COX5B: variants seen among roughly 807,000 people sequenced by gnomAD.
COX5B encodes cytochrome c oxidase subunit 5B.
Under a neutral mutation model 16.2 loss-of-function variants are expected in COX5B, and 8 were observed. The observed-to-expected ratio is 0.49, with a 90% CI of 0.29 to 0.89. The LOEUF is 0.89. Among genes scored for constraint, COX5B ranks in the 40% least tolerant of loss-of-function variants. The pLI is 0.08. For missense variants in COX5B, 161 were observed against 168.7 expected (o/e 0.95, Z 0.25); for synonymous variants, 65 against 67.6 (o/e 0.96, Z 0.19).
chr2:97,646,969 C>G lies in COX5B; in HGVS notation c.104-98C>G, dbSNP rs1246814792. ...GCTTGTGAGCCCGCTAAAACTTATACAGAAGTTTCGGGGCACCATTTTCCT... is the reference window on the plus strand; with the variant it reads ...GCTTGTGAGCCCGCTAAAACTTATAGAGAAGTTTCGGGGCACCATTTTCCT... On this transcript the variant is annotated intron_variant, in intron 1 of 3. Transcript: ENST00000258424. 11 of 1,259,362 alleles carry G rather than the reference C, an allele frequency of 8.7e-6. No homozygotes were observed. The Admixed American group carries it at 9.4e-5, about 11-fold the overall frequency. The allele number at this position is 1,259,362 out of a possible 1,614,324, so 78.0% of individuals were successfully genotyped here.
intron 2 of COX5B, 33 bp downstream of exon 2, chr2:97,647,173 T>A: frequency 6.2e-7 from 1 of 1,605,984 alleles, no homozygotes; most frequent in Non-Finnish European, 8.5e-7. Flanking sequence ...GTCTTCTGTG[T>A]AACTTATGGC....
intron 2 of COX5B, 86 bp downstream of exon 2, chr2:97,647,226 T>TA: frequency 6.5e-7 from 1 of 1,537,784 alleles, no homozygotes; most frequent in Non-Finnish European, 9.0e-7. Context: ...GAGTATTTGA[T>TA]ACAGGAAACT....
intron 1 of COX5B, 53 bp downstream of exon 1, chr2:97,646,242 G>GGACC: frequency 7.8e-7 from 1 of 1,289,630 alleles, no homozygotes; most frequent in African/African-American, 1.5e-5. Flanking sequence ...TCCCAGGGTG[G>GGACC]TCCCAGGGCG....
intron 1 of COX5B, 125 bp from the exon 2 acceptor site, chr2:97,646,942 G>A: frequency 1.1e-6 from 1 of 876,548 alleles, no homozygotes; most frequent in South Asian, 1.5e-5. Flanking sequence ...TAGCCTTTAG[G>A]AGCTTGTGAG....
In COX5B at chr2:97,647,094, C is replaced by T. The variant is rs1213309238; in HGVS notation, c.131C>T (p.Ala44Val). Residue 44 changes from alanine to valine, a missense_variant, in exon 2 of 4, where the codon GCG (alanine) becomes GTG (valine). Transcript: ENST00000258424. ...GGGVPTDEEQ[A>V]TGLEREIMLA... ...GGTGTTCCCACTGATGAAGAGCAGGCGACTGGGTTGGAGAGGGAGATCATG... is the reference window on the plus strand; with the variant it reads ...GGTGTTCCCACTGATGAAGAGCAGGTGACTGGGTTGGAGAGGGAGATCATG... 16 of 1,614,094 alleles carry T rather than the reference C, an allele frequency of 9.9e-6. No individual in the cohort carries two copies. The highest frequency in any genetic ancestry group is 1.7e-5 in the Admixed American group (1 of 60,014).
At chr2:97,646,635 G>A (rs2104484251) in intron 1 of COX5B, 1 of 209,680 alleles carries the variant, frequency 4.8e-6, no homozygotes, top group African/African-American at 2.3e-5. Flanking sequence ...ATCCCCTGAG[G>A]TCAGGAGCTC....
At chr2:97,647,302 CTTGT>C in intron 2 of COX5B, 38 bp from the exon 3 acceptor site, 3 of 1,588,622 alleles carry the variant, frequency 1.9e-6, no homozygotes, top group Non-Finnish European at 2.6e-6. Context: ...TGGTTCAATT[CTTGT>C]TTTTTTTGTT....
chr2:97,646,859 A>G (rs1000155022), intron 1 of COX5B: 1 of 460,530 alleles, frequency 2.2e-6, no homozygotes, highest in African/African-American at 2.0e-5. Flanking sequence ...AAAAAAGAAA[A>G]AAAAAGCTCC....
rs760981496 is a variant in COX5B at position 97,647,023 on chromosome 2, C to G, written c.104-44C>G. ...TCATTTCTGTTTGTAGTTTTTCTAT[C>G]AGTCATTTCAGTCAGCGTCATAATT... On this transcript the variant is annotated intron_variant, in intron 1 of 3. Transcript: ENST00000258424. The G allele has an allele frequency of 1.5e-5, 23 of 1,578,174 alleles. No individual in the cohort carries two copies. In the South Asian group the frequency reaches 2.3e-4, roughly 16 times the overall value.
intron 1 of COX5B, 89 bp downstream of exon 1, chr2:97,646,278 T>A: frequency 1.2e-6 from 1 of 832,864 alleles, no homozygotes. Context: ...TCGTGCAGCT[T>A]CTCGAGGTCC....
At chr2:97,647,884 A>T in intron 3 of COX5B, 112 bp from the exon 4 acceptor site, 1 of 917,066 alleles carries the variant, frequency 1.1e-6, no homozygotes, top group Admixed American at 2.3e-5. Flanking sequence ...ATCTCTTAAG[A>T]TATCAACCAT....
At chr2:97,646,309 C>T (rs1030688449) in intron 1 of COX5B, 120 bp downstream of exon 1, 4 of 634,082 alleles carry the variant, frequency 6.3e-6, no homozygotes, top group African/African-American at 5.5e-5. Flanking sequence ...TTTACGGTCC[C>T]CAGTGCCTCA....
intron 1 of COX5B, 99 bp downstream of exon 1, chr2:97,646,288 C>G (rs970985740): frequency 8.2e-6 from 6 of 729,442 alleles, no homozygotes; most frequent in Non-Finnish European, 1.3e-5. Flanking sequence ...TCTCGAGGTC[C>G]CAGTGGCCGC....
At chr2:97,646,444 G>A (rs1674655339) in intron 1 of COX5B, 1 of 475,168 alleles carries the variant, frequency 2.1e-6, no homozygotes, top group Admixed American at 3.9e-5. Context: ...GGCTGCCACC[G>A]GGATGGGGAG....
At position 97,647,359 on chromosome 2, in the gene COX5B, C is replaced by G. The variant is rs1017202545; in HGVS notation, c.193C>G (p.Leu65Val). 15 of 1,613,846 alleles carry G rather than the reference C, an allele frequency of 9.3e-6. No individual in the cohort carries two copies. The highest frequency in any genetic ancestry group is 1.3e-5 in the Non-Finnish European group (15 of 1,179,928). Residue 65 changes from leucine (L) to valine (V), a missense_variant, in exon 3 of 4, where the codon CTG becomes GTG. Leu to Val is a conservative substitution (Grantham distance 32). Transcript: ENST00000258424. ...AKKGLDPYNV[L>V]APKGASGTRE... Reference sequence around the variant, plus strand: ...TTTTCTTCAGGACCCATACAATGTACTGGCCCCAAAGGGAGCTTCAGGCAC... The same window carrying G: ...TTTTCTTCAGGACCCATACAATGTAGTGGCCCCAAAGGGAGCTTCAGGCAC...
intron 3 of COX5B, 94 bp from the exon 4 acceptor site, chr2:97,647,902 C>A: frequency 9.7e-7 from 1 of 1,031,962 alleles, no homozygotes; most frequent in Non-Finnish European, 1.5e-6. Flanking sequence ...CATAGTCTTA[C>A]TTGTGTATCA....
In COX5B at chr2:97,648,228, G is replaced by A; in HGVS notation, c.*120G>A. On this transcript the variant is annotated 3_prime_UTR_variant, in exon 4 of 4. Transcript: ENST00000258424. ...GTCTTATTTCTTACCCGTATTCTTTGGTAGGCATGGAATATGCTTATTTTG... is the reference window on the plus strand; with the variant it reads ...GTCTTATTTCTTACCCGTATTCTTTAGTAGGCATGGAATATGCTTATTTTG... 1.2e-6 allele frequency: 1 copy of A among 857,124 alleles called. No homozygotes were observed. Among genetic ancestry groups the A allele is most frequent in the Non-Finnish European group, 1.8e-6 (1 of 567,064 alleles). 53.1% of individuals were successfully genotyped at this position (857,124 alleles called of 1,614,324 possible).
chr2:97,647,374 G>A lies in COX5B; in HGVS notation c.208G>A (p.Ala70Thr), dbSNP rs1674677803. The A allele has an allele frequency of 1.2e-6, 2 of 1,614,130 alleles. No homozygotes were observed. The highest frequency in any genetic ancestry group is 1.7e-6 in the Non-Finnish European group (2 of 1,180,020). The change falls in exon 3 of 4, where the codon GCT becomes ACT. Residue 70 changes from alanine to threonine, a missense_variant. Physicochemically the swap from Ala to Thr is moderately conservative, Grantham distance 58 (BLOSUM62 0). Coordinates refer to ENST00000258424, the MANE Select transcript of COX5B (RefSeq NM_001862.3). ...ATACAATGTACTGGCCCCAAAGGGAGCTTCAGGCACCAGGGAAGACCCTAA... is the reference window on the plus strand; with the variant it reads ...ATACAATGTACTGGCCCCAAAGGGAACTTCAGGCACCAGGGAAGACCCTAA... ...DPYNVLAPKG[A>T]SGTREDPNLV...
chr2:97,647,400 T>G lies in COX5B; in HGVS notation c.234T>G (p.Asn78Lys). 6.2e-7 allele frequency: 1 copy of G among 1,614,182 alleles called. No individual in the cohort carries two copies. The highest frequency in any genetic ancestry group is 8.5e-7 in the Non-Finnish European group (1 of 1,180,012). The part of the protein sequence containing the change: ...KGASGTREDP[N>K]LVPSISNKRI... Reference sequence around the variant, plus strand: ...CTTCAGGCACCAGGGAAGACCCTAATTTAGTCCCCTCCATCTCCAACAAGA... The same window carrying G: ...CTTCAGGCACCAGGGAAGACCCTAAGTTAGTCCCCTCCATCTCCAACAAGA... Residue 78 changes from asparagine to lysine, a missense_variant, in exon 3 of 4, where the codon AAT (asparagine) becomes AAG (lysine). Asn to Lys is a moderately conservative substitution (Grantham distance 94). Coordinates refer to ENST00000258424, the MANE Select transcript of COX5B (RefSeq NM_001862.3).
Sources: allele counts gnomAD v4.1 joint callset, GRCh38; gene constraint gnomAD v4.1.1; transcripts MANE v1.5; gene names NCBI Gene and HGNC (gene_info 2026-07-23, HGNC 2026-07-21).